TOGARAM1: variants seen among roughly 807,000 people sequenced by gnomAD.
TOGARAM1 encodes TOG array regulator of axonemal microtubules 1.
A neutral mutation model predicts 166.6 loss-of-function variants in TOGARAM1; 100 were observed. The observed-to-expected ratio is 0.60, with a 90% CI of 0.51 to 0.71. The LOEUF (loss-of-function observed/expected upper bound fraction) is 0.71, where lower values mean the gene tolerates loss of function less well. Ranked by LOEUF, TOGARAM1 falls within the 30% of genes least tolerant of loss-of-function variation. The pLI is 0.00. For missense variants in TOGARAM1, 2,029 were observed against 2,102.7 expected, an observed-to-expected ratio of 0.96 and a Z score of 0.69; for synonymous variants, 758 against 763.8, an observed-to-expected ratio of 0.99 and a Z score of 0.13.
At position 44,964,168 on chromosome 14, in the gene TOGARAM1, G is replaced by A. The variant is rs1191069661; in HGVS notation, c.1747G>A (p.Glu583Lys). The A allele has an allele frequency of 6.2e-7, 1 of 1,614,136 alleles. No individual in the cohort carries two copies. Among genetic ancestry groups the A allele is most frequent in the African/African-American group, 1.3e-5 (1 of 74,950 alleles). ...TAGGAAAACCTTACCAAGGCTCACA[G>A]AGCAGGGATTTGTGGAATATGCAGT... The part of the protein sequence containing the change: ...LARKTLPRLT[E>K]QGFVEYAVLM... Residue 583 changes from glutamate to lysine, a missense_variant, in exon 1 of 20, where the codon GAG becomes AAG. Physicochemically the swap from Glu to Lys is moderately conservative, Grantham distance 56. Coordinates refer to ENST00000361462, the MANE Select transcript of TOGARAM1 (RefSeq NM_001308120.2).
At chr14:44,998,038 T>A (rs1263272618) in intron 2 of TOGARAM1, among the ~76,000 whole-genome samples, 1 of 152,218 alleles carries the variant, frequency 6.6e-6, no homozygotes. Flanking sequence ...TTGGGTTTGA[T>A]TTTAGATATA....
intron 11 of TOGARAM1, among the ~76,000 whole-genome samples, chr14:45,032,857 C>T (rs944507396): frequency 1.3e-5 from 2 of 152,166 alleles, no homozygotes; most frequent in Admixed American, 6.6e-5. Context: ...TGTTCCTTCA[C>T]TATCTCTCAT....
intron 7 of TOGARAM1, among the ~76,000 whole-genome samples, chr14:45,023,939 C>T (rs1880677433): frequency 1.3e-5 from 2 of 152,132 alleles, no homozygotes; most frequent in South Asian, 4.1e-4. Context: ...AGGGGTTTCA[C>T]CATGTTGGCC....
chr14:45,049,057 CAAAAAAAAAAAAAAAA>C (rs71108678), intron 14 of TOGARAM1, among the ~76,000 whole-genome samples: 2 of 47,300 alleles, frequency 4.2e-5, no homozygotes, highest in African/African-American at 9.4e-5. Flanking sequence ...ACAAACTTCT[CAAAAAAAAAAAAAAAA>C]AAAAAAAAAA....
intron 7 of TOGARAM1, among the ~76,000 whole-genome samples, chr14:45,019,569 A>G (rs1308412179): frequency 3.9e-5 from 6 of 152,150 alleles, no homozygotes; most frequent in Non-Finnish European, 8.8e-5. Context: ...GCCAGCTCGA[A>G]TGCCTGGGTT....
In TOGARAM1 at chr14:44,962,815, C is replaced by G; in HGVS notation, c.394C>G (p.Arg132Gly). 1.2e-6 allele frequency: 2 copies of G among 1,612,732 alleles called. No homozygotes were observed. The highest frequency in any genetic ancestry group is 8.5e-7 in the Non-Finnish European group (1 of 1,180,004). ...GGGCGGTCGACTTGGCTTCCCCCGA[C>G]GCAAGGAAGCTTTGTATCGGGCACT... is the stretch of plus-strand genomic sequence containing the variant. ...RRGGRLGFPR[R>G]KEALYRALGR... Residue 132 changes from arginine (R) to glycine (G), a missense_variant, in exon 1 of 20, where the codon CGC (arginine) becomes GGC (glycine). Arg to Gly is a moderately radical substitution (Grantham distance 125). Transcript: ENST00000361462.
intron 7 of TOGARAM1, among the ~76,000 whole-genome samples, chr14:45,020,926 G>C (rs1471847014): frequency 6.6e-6 from 1 of 152,146 alleles, no homozygotes; most frequent in African/African-American, 2.4e-5. Flanking sequence ...TGTAGTGCAG[G>C]GGGAGGCACA....
rs752046392 is a variant in TOGARAM1, at chr14:44,963,302, CTT to C, written c.882_883del (p.Tyr295HisfsTer31). On this transcript the variant is annotated frameshift_variant, in exon 1 of 20. Coordinates refer to ENST00000361462, the MANE Select transcript of TOGARAM1 (RefSeq NM_001308120.2). LOFTEE classifies it high-confidence loss of function. ...CGACTTGGCCAAGACAGGTTTCAAT[CTT>C]ACATTTCTCGTCTGCCCTCTGCCCT... The C allele has an allele frequency of 5.6e-6, 9 of 1,614,068 alleles. No individual in the cohort carries two copies. Among genetic ancestry groups the C allele is most frequent in the Non-Finnish European group, 7.6e-6 (9 of 1,180,042 alleles).
At chr14:44,985,242 G>A (rs1357475513) in intron 1 of TOGARAM1, among the ~76,000 whole-genome samples, 1 of 152,162 alleles carries the variant, frequency 6.6e-6, no homozygotes, top group East Asian at 1.9e-4. Context: ...TCGAACTCCT[G>A]ACTTTGTGAA....
chr14:44,994,501 C>G (rs780537128), intron 1 of TOGARAM1, among the ~76,000 whole-genome samples: 5 of 151,964 alleles, frequency 3.3e-5, no homozygotes, highest in Admixed American at 6.6e-5. Flanking sequence ...CCACTGCAGC[C>G]TCTACCTTTC....
At chr14:45,060,020 C>T (rs1025343957) in intron 16 of TOGARAM1, among the ~76,000 whole-genome samples, 8 of 150,218 alleles carry the variant, frequency 5.3e-5, no homozygotes, top group Non-Finnish European at 4.4e-5. Context: ...TCATGCCATT[C>T]GCCTTTCCCA....
In TOGARAM1 at chr14:45,074,253, A is replaced by G. The variant is rs1883509372; in HGVS notation, c.*692A>G. On this transcript the variant is annotated 3_prime_UTR_variant, in exon 20 of 20. Transcript: ENST00000361462. ...CCCCTATTTTTGTGTGCAAACACTA[A>G]ATTTTATTGCTTTATGTTTTGACCT... 1 of 152,602 alleles carries G rather than the reference A, an allele frequency of 6.6e-6. No individual in the cohort carries two copies. Among genetic ancestry groups the G allele is most frequent in the Non-Finnish European group, 1.5e-5 (1 of 68,034 alleles). 9.5% of individuals were successfully genotyped at this position (152,602 alleles called of 1,614,324 possible). A position where few individuals can be genotyped will look rare whatever the true frequency, so the allele number is the denominator to read the frequency against.
intron 7 of TOGARAM1, among the ~76,000 whole-genome samples, chr14:45,018,638 A>T (rs1295872138): frequency 6.6e-6 from 1 of 152,196 alleles, no homozygotes; most frequent in African/African-American, 2.4e-5. Context: ...ATTGAGTAAG[A>T]TGGAGCTTGA....
At chr14:45,030,039 C>T (rs564987703) in intron 10 of TOGARAM1, among the ~76,000 whole-genome samples, 7 of 152,176 alleles carry the variant, frequency 4.6e-5, no homozygotes, top group African/African-American at 9.6e-5. Flanking sequence ...ACAGGCTGGT[C>T]TCGAACTCCT....
intron 1 of TOGARAM1, chr14:44,978,216 G>A (rs1448281583): frequency 3.3e-5 from 5 of 152,086 alleles, no homozygotes; most frequent in Admixed American, 6.6e-5. Flanking sequence ...AGCAAAATAC[G>A]AGGTATAGTT....
chr14:45,068,014 T>C (rs57694277), intron 17 of TOGARAM1, among the ~76,000 whole-genome samples: 17,020 of 152,156 alleles, frequency 0.11, 1,374 homozygotes, highest in African/African-American at 0.23. Flanking sequence ...ATCTCCACAG[T>C]AAAACTTACA....
rs1418027795 is a variant in TOGARAM1, at chr14:44,962,629, G to A, written c.208G>A (p.Ala70Thr). ...CPTTTSPLAS[A>T]LLMPSEAVSS... ...CACTACAACTTCGCCTCTGGCCTCG[G>A]CCCTCTTGATGCCCTCGGAGGCAGT... The change falls in exon 1 of 20, where the codon GCC becomes ACC. Residue 70 changes from alanine to threonine, a missense_variant. By Grantham distance (58) the Ala-to-Thr change is moderately conservative (BLOSUM62 0). Coordinates refer to ENST00000361462, the MANE Select transcript of TOGARAM1 (RefSeq NM_001308120.2). The A allele has an allele frequency of 6.2e-7, 1 of 1,613,724 alleles. No individual in the cohort carries two copies. The highest frequency in any genetic ancestry group is 8.5e-7 in the Non-Finnish European group (1 of 1,179,810).
chr14:44,984,338 T>C (rs1489872826), intron 1 of TOGARAM1, among the ~76,000 whole-genome samples: 1 of 151,992 alleles, frequency 6.6e-6, no homozygotes, highest in Non-Finnish European at 1.5e-5. Flanking sequence ...GAACTCACCA[T>C]TTCTGTGATT....
intron 5 of TOGARAM1, chr14:45,007,398 T>A (rs568518722): frequency 3.9e-5 from 6 of 151,982 alleles, no homozygotes; most frequent in South Asian, 2.1e-4. Context: ...AAGAAACATA[T>A]AGAAAAGACA....
Sources: gnomAD v4.1 joint callset for allele counts (sites outside exome capture counted in the v4.1 genomes callset) on GRCh38, gnomAD v4.1.1 for gene constraint, MANE v1.5 for transcripts, NCBI Gene and HGNC (gene_info 2026-07-23, HGNC 2026-07-21) for gene names.